Variants in SCAP observed in about 807,000 individuals in gnomAD.
SCAP encodes the protein SREBF chaperone, also known as sterol regulatory element-binding protein cleavage-activating protein.
SCAP carries 65 observed loss-of-function variants against 123.6 expected under a neutral mutation model. That is an observed-to-expected ratio of 0.53 (90% confidence interval 0.43 to 0.65). The LOEUF (loss-of-function observed/expected upper bound fraction) is 0.65, where lower values mean the gene tolerates loss of function less well. Among genes scored for constraint, SCAP ranks in the 30% least tolerant of loss-of-function variants. SCAP has a pLI of 0.00. For synonymous variants in SCAP, 740 were observed against 726.3 expected (o/e 1.02, Z -0.30); for missense variants, 1,398 against 1,712.5 (o/e 0.82, Z 3.24).
rs1707028500 is a variant in SCAP at position 47,446,064 on chromosome 3, T to C, written c.-98-2973A>G. Among the ~76,000 whole-genome samples the C allele has an allele frequency of 2.6e-5, 4 of 151,028 alleles. No individual in the cohort carries two copies. The South Asian group carries it at 6.3e-4, about 24-fold the overall frequency. On this transcript the variant is annotated intron_variant, in intron 1 of 22. Transcript: ENST00000265565. ...CTAATTTTTGCATTCTTAGAAGAGA[T>C]GGGGTTTCACCATCTTGGCCAGGAT...
chr3:47,459,934 G>C lies in SCAP; in HGVS notation c.-99+15865C>G, dbSNP rs1445964146. Among the ~76,000 whole-genome samples the C allele has an allele frequency of 4.6e-5, 7 of 152,220 alleles. No individual in the cohort carries two copies. In the South Asian group the frequency reaches 1.2e-3, roughly 27 times the overall value. On this transcript the variant is annotated intron_variant, in intron 1 of 22. Coordinates refer to ENST00000265565, the MANE Select transcript of SCAP (RefSeq NM_012235.4). ...CAACCGCATAAGACAGACACTCCCA[G>C]AGCGGCCATTTATAGACCTCCCACC... is the stretch of plus-strand genomic sequence containing the variant.
intron 1 of SCAP, among the ~76,000 whole-genome samples, chr3:47,455,644 G>A (rs1027262466): frequency 4.0e-4 from 59 of 146,362 alleles, no homozygotes; most frequent in African/African-American, 1.4e-3. Flanking sequence ...CTGAAACTCC[G>A]AAAGACAGAA....
At chr3:47,418,113 G>C (rs757877568) in intron 16 of SCAP, 21 bp downstream of exon 16, 5 of 1,540,058 alleles carry the variant, frequency 3.2e-6, no homozygotes, top group Admixed American at 2.0e-5. Flanking sequence ...GCACAAAGGA[G>C]GAAAGGGCAG....
intron 1 of SCAP, among the ~76,000 whole-genome samples, chr3:47,454,524 C>T (rs1268150449): frequency 6.6e-6 from 1 of 151,506 alleles, no homozygotes; most frequent in Non-Finnish European, 1.5e-5. Context: ...GTCAGGAGTT[C>T]GAGACCAGCC....
At chr3:47,442,639 T>C (rs1310070418) in intron 2 of SCAP, among the ~76,000 whole-genome samples, 1 of 152,246 alleles carries the variant, frequency 6.6e-6, no homozygotes, top group Non-Finnish European at 1.5e-5. Context: ...TGAGATAGAG[T>C]ACCAGTGATA....
intron 1 of SCAP, among the ~76,000 whole-genome samples, chr3:47,457,506 T>C (rs1707472460): frequency 6.6e-6 from 1 of 152,216 alleles, no homozygotes; most frequent in African/African-American, 2.4e-5. Context: ...AGAAAGTCAC[T>C]ATAGGTCTGC....
At chr3:47,429,745 T>C (rs1475975682) in intron 3 of SCAP, among the ~76,000 whole-genome samples, 1 of 152,230 alleles carries the variant, frequency 6.6e-6, no homozygotes, top group African/African-American at 2.4e-5. Context: ...TACTATTGTC[T>C]ATGGCTGCTT....
At chr3:47,417,044 C>T in intron 18 of SCAP, 78 bp downstream of exon 18, 1 of 1,305,686 alleles carries the variant, frequency 7.7e-7, no homozygotes, top group Non-Finnish European at 1.1e-6. Context: ...TGAAGAGAAC[C>T]AGAACTCAAG....
At chr3:47,454,195 G>A (rs1194023679) in intron 1 of SCAP, among the ~76,000 whole-genome samples, 2 of 151,912 alleles carry the variant, frequency 1.3e-5, no homozygotes, top group Non-Finnish European at 2.9e-5. Context: ...GTGAAACCCT[G>A]TCTCTACTAA....
At chr3:47,453,889 G>A (rs1707310982) in intron 1 of SCAP, among the ~76,000 whole-genome samples, 1 of 151,682 alleles carries the variant, frequency 6.6e-6, no homozygotes, top group Admixed American at 6.6e-5. Context: ...TCTCCATTCA[G>A]CCTTCAGGCA....
intron 9 of SCAP, among the ~76,000 whole-genome samples, chr3:47,423,155 C>T (rs373169850): frequency 6.6e-6 from 1 of 152,220 alleles, no homozygotes; most frequent in African/African-American, 2.4e-5. Context: ...CGGCTGCCTA[C>T]AGCCCCATTC....
intron 5 of SCAP, 36 bp downstream of exon 5, chr3:47,427,411 C>G (rs755081039): frequency 3.8e-5 from 61 of 1,604,540 alleles, no homozygotes; most frequent in Non-Finnish European, 4.7e-5. Flanking sequence ...CAATGGGCAC[C>G]TTTACAGGTC....
intron 1 of SCAP, among the ~76,000 whole-genome samples, chr3:47,471,057 A>C (rs1192033380): frequency 6.6e-6 from 1 of 152,218 alleles, no homozygotes; most frequent in Non-Finnish European, 1.5e-5. Flanking sequence ...AGTGATAGGT[A>C]CACAAGGGCT....
Position 47,426,049 on chromosome 3 carries a change from G to T in SCAP, c.858C>A (p.Ile286=). The T allele has an allele frequency of 6.2e-7, 1 of 1,614,202 alleles. No homozygotes were observed. The highest frequency in any genetic ancestry group is 8.5e-7 in the Non-Finnish European group (1 of 1,180,022). Residue 286 remains isoleucine, a synonymous_variant, in exon 7 of 23, where the codon ATC becomes ATA. Transcript: ENST00000265565. ...AGATGATGTAGGTGGTCACAAGGGG[G>T]ATGAGCTCAGCGACACCAATCTCCT... ...FKEEIGVAEL[I]PLVTTYIILF...
At position 47,413,764 on chromosome 3, in the gene SCAP, G is replaced by C. The variant is rs1365532544; in HGVS notation, c.*90C>G. On this transcript the variant is annotated 3_prime_UTR_variant, in exon 23 of 23. Transcript: ENST00000265565. ...TACAGTCAGGAGGCAGCGGCTGGAA[G>C]ATACTCGGCTCTTTCCCCCAAGTCC... The C allele has an allele frequency of 6.7e-7, 1 of 1,493,400 alleles. No individual in the cohort carries two copies. Among genetic ancestry groups the C allele is most frequent in the East Asian group, 2.3e-5 (1 of 43,876 alleles). The allele number at this position is 1,493,400 out of a possible 1,614,324, so 92.5% of individuals were successfully genotyped here. A position where few individuals can be genotyped will look rare whatever the true frequency, so the allele number is the denominator to read the frequency against.
At chr3:47,418,626 T>TTGCCCCCCCCC in intron 14 of SCAP, 29 bp downstream of exon 14, 3 of 1,459,566 alleles carry the variant, frequency 2.1e-6, no homozygotes, top group African/African-American at 1.4e-5. Context: ...CCGCACTCTT[T>TTGCCCCCCCCC]CCCACCCCAC....
chr3:47,476,315 G>T (rs1254396210), upstream of SCAP, among the ~76,000 whole-genome samples: 1 of 152,168 alleles, frequency 6.6e-6, no homozygotes, highest in African/African-American at 2.4e-5. Flanking sequence ...AAATTAATTA[G>T]CCGGCTGTGG....
chr3:47,421,193 A>C (rs571209947), intron 10 of SCAP, 164 bp from the exon 11 acceptor site: 21 of 644,010 alleles, frequency 3.3e-5, no homozygotes, highest in African/African-American at 3.1e-4. Context: ...ACATACCAGC[A>C]GCAGCTCACC....
At chr3:47,437,422 CAAAAAAAAAAAA>C (rs35011639) in intron 2 of SCAP, among the ~76,000 whole-genome samples, 4 of 63,196 alleles carry the variant, frequency 6.3e-5, no homozygotes, top group Non-Finnish European at 1.1e-4. Flanking sequence ...AACTCAATCT[CAAAAAAAAAAAA>C]AAAAAAAAAA....
Sources: gnomAD v4.1 joint callset for allele counts (sites outside exome capture counted in the v4.1 genomes callset) on GRCh38, gnomAD v4.1.1 for gene constraint, MANE v1.5 for transcripts, NCBI Gene and HGNC (gene_info 2026-07-23, HGNC 2026-07-21) for gene names.